CNTLN: variants seen among roughly 807,000 people sequenced by gnomAD.
CNTLN encodes centlein, also known as centlein, centrosomal protein.
CNTLN carries 212 observed loss-of-function variants against 180.0 expected under a neutral mutation model. That is an observed-to-expected ratio of 1.18 (90% confidence interval 1.05 to 1.32). CNTLN has a LOEUF of 1.32. CNTLN is among the 40% of genes most tolerant of loss of function. CNTLN has a pLI of 0.00. For missense variants in CNTLN, 2,095 were observed against 1,610.9 expected (o/e 1.30, Z -5.14); for synonymous variants, 722 against 563.1 (o/e 1.28, Z -3.99).
chr9:17,295,987 AGAGAGAGAGAGT>A (rs1817883567), intron 6 of CNTLN, among the ~76,000 whole-genome samples: 4 of 123,914 alleles, frequency 3.2e-5, no homozygotes, highest in African/African-American at 9.8e-5. Flanking sequence ...AGAGAGAGAG[AGAGAGAGAGAGT>A]GTGTGTGTGT....
intron 7 of CNTLN, chr9:17,301,713 T>C (rs1012238201): frequency 4.0e-4 from 379 of 946,838 alleles, no homozygotes; most frequent in Non-Finnish European, 4.6e-4. Flanking sequence ...AATATTCTTC[T>C]TATTTATTTA....
chr9:17,491,386 T>G (rs891810908), intron 25 of CNTLN, among the ~76,000 whole-genome samples: 1 of 152,098 alleles, frequency 6.6e-6, no homozygotes, highest in Non-Finnish European at 1.5e-5. Flanking sequence ...ACTATGAAAT[T>G]TACTAGGTAG....
chr9:17,410,198 C>G (rs554672708), intron 16 of CNTLN, among the ~76,000 whole-genome samples: 1 of 152,060 alleles, frequency 6.6e-6, no homozygotes, highest in Admixed American at 6.5e-5. Flanking sequence ...ATTTTTGCTG[C>G]TCTTCATTGA....
chr9:17,236,589 G>A lies in CNTLN; in HGVS notation c.849+1G>A. The A allele has an allele frequency of 2.5e-6, 4 of 1,600,010 alleles. No individual in the cohort carries two copies. Among genetic ancestry groups the A allele is most frequent in the Non-Finnish European group, 3.4e-6 (4 of 1,174,654 alleles). ...ATATAGCACTGATGCAAAAATAAAG[G>A]TATACAATAGGAATGGAATCCATAC... On this transcript the variant is annotated splice_donor_variant, in intron 5 of 25. Transcript: ENST00000380647. LOFTEE classifies it high-confidence loss of function.
At chr9:17,486,029 A>T (rs1832872575) in intron 24 of CNTLN, among the ~76,000 whole-genome samples, 1 of 152,122 alleles carries the variant, frequency 6.6e-6, no homozygotes, top group Non-Finnish European at 1.5e-5. Flanking sequence ...CACAATCTTA[A>T]ATCAAGTCCC....
intron 12 of CNTLN, among the ~76,000 whole-genome samples, chr9:17,362,344 G>A (rs2133396878): frequency 6.6e-6 from 1 of 152,190 alleles, no homozygotes; most frequent in East Asian, 1.9e-4. Flanking sequence ...GTGGTTGAGT[G>A]TATGTGTGTG....
In CNTLN at chr9:17,242,987, C is replaced by T. The variant is rs573158888; in HGVS notation, c.849+6399C>T. ...GCTGGGAGATGTCTTTTCTGGTAGA[C>T]TTTAATAAGGCTTCAGTCTCATTAC... On this transcript the variant is annotated intron_variant, in intron 5 of 25. Coordinates refer to ENST00000380647, the MANE Select transcript of CNTLN (RefSeq NM_017738.4). Among the ~76,000 whole-genome samples, 4 of 152,214 alleles carry T rather than the reference C, an allele frequency of 2.6e-5. No homozygotes were observed. The East Asian group carries it at 7.7e-4, about 29-fold the overall frequency.
At chr9:17,525,090 A>G in the CNTLN span, among the ~76,000 whole-genome samples, 2 of 152,222 alleles carry the variant, frequency 1.3e-5, no homozygotes, top group South Asian at 2.1e-4. Flanking sequence ...GTTTCATTTC[A>G]TAAAGAACCC....
At chr9:17,151,693 G>A (rs535824630) in intron 2 of CNTLN, among the ~76,000 whole-genome samples, 1 of 152,258 alleles carries the variant, frequency 6.6e-6, no homozygotes, top group East Asian at 1.9e-4. Context: ...TTAGGGAGGA[G>A]TCCCTCTTTT....
Position 17,179,187 on chromosome 9 carries a change from T to A in CNTLN, c.449+35811T>A, listed in dbSNP as rs1398677245. ...TGAACCCGGGAGGCGGAGCTTGCAG[T>A]GAGCCGAGATCCCGCCACTGCACTC... is the stretch of plus-strand genomic sequence containing the variant. On this transcript the variant is annotated intron_variant, in intron 2 of 25. Coordinates refer to ENST00000380647, the MANE Select transcript of CNTLN (RefSeq NM_017738.4). Among the ~76,000 whole-genome samples the A allele has an allele frequency of 3.0e-5, 4 of 131,676 alleles. 1 individual carries two copies. The highest frequency in any genetic ancestry group is 6.2e-5 in the African/African-American group (2 of 32,046). The allele number at this position is 131,676 out of a possible 152,430, so 86.4% of individuals were successfully genotyped here.
In CNTLN at chr9:17,290,344, C is replaced by T. The variant is rs571524196; in HGVS notation, c.984-7846C>T. On this transcript the variant is annotated intron_variant, in intron 6 of 25. Transcript: ENST00000380647. The stretch of plus-strand genomic sequence containing the variant: ...TCGGGGGTCAGGGGTCAGGGACCCA[C>T]TTGAGGAGGCAGTCTGCCCGTTCTC... 9.3e-5 allele frequency among the ~76,000 whole-genome samples: 14 copies of T among 150,930 alleles called. No individual in the cohort carries two copies. The South Asian group carries it at 2.4e-3, about 26-fold the overall frequency.
At chr9:17,432,605 G>T (rs1342086103) in intron 18 of CNTLN, among the ~76,000 whole-genome samples, 1 of 152,158 alleles carries the variant, frequency 6.6e-6, no homozygotes, top group Non-Finnish European at 1.5e-5. Flanking sequence ...AGAGAAGTTA[G>T]AATGGCAACT....
chr9:17,178,759 G>C (rs1338928078), intron 2 of CNTLN, among the ~76,000 whole-genome samples: 1 of 152,024 alleles, frequency 6.6e-6, no homozygotes, highest in African/African-American at 2.4e-5. Context: ...TCCTGCCAGC[G>C]TCTCTCCCTC....
chr9:17,514,508 T>C, the CNTLN span, among the ~76,000 whole-genome samples: 7 of 152,114 alleles, frequency 4.6e-5, no homozygotes, highest in Non-Finnish European at 1.0e-4. Context: ...CCATAAGTGA[T>C]GGTATGAAAC....
intron 8 of CNTLN, among the ~76,000 whole-genome samples, chr9:17,327,420 G>A (rs1281483243): frequency 5.3e-5 from 8 of 150,730 alleles, no homozygotes; most frequent in Non-Finnish European, 2.9e-5. Flanking sequence ...TCCTGACCTC[G>A]TGATCCGCTC....
chr9:17,301,693 T>C, intron 7 of CNTLN: 3 of 962,092 alleles, frequency 3.1e-6, no homozygotes, highest in Non-Finnish European at 3.7e-6. Context: ...TCAACTAGAC[T>C]CAATTTGAAA....
intron 5 of CNTLN, among the ~76,000 whole-genome samples, chr9:17,271,075 G>A (rs1196787778): frequency 2.7e-5 from 4 of 149,802 alleles, no homozygotes; most frequent in East Asian, 2.0e-4. Context: ...CTCAGCCTCC[G>A]GAGTAGCTGG....
chr9:17,421,152 T>C (rs1489454435), intron 18 of CNTLN, among the ~76,000 whole-genome samples: 2 of 152,156 alleles, frequency 1.3e-5, no homozygotes, highest in Non-Finnish European at 2.9e-5. Context: ...TTGCTGAAAG[T>C]AGGGTATTGA....
chr9:17,235,910 C>T lies in CNTLN; in HGVS notation c.669+118C>T, dbSNP rs1489405507. On this transcript the variant is annotated intron_variant, in intron 4 of 25. Coordinates refer to ENST00000380647, the MANE Select transcript of CNTLN (RefSeq NM_017738.4). ...TGGAGGAAAAATTGCCTTAGGCCCT[C>T]CTGTACCATACAGTTTTCTCACATG... is the stretch of plus-strand genomic sequence containing the variant. 102 of 977,856 alleles carry T rather than the reference C, an allele frequency of 1.0e-4. 2 individuals carry two copies. The Admixed American group carries it at 2.8e-3, about 27-fold the overall frequency. 60.6% of individuals were successfully genotyped at this position (977,856 alleles called of 1,614,324 possible). A position where few individuals can be genotyped will look rare whatever the true frequency, so the allele number is the denominator to read the frequency against.
Sources: allele counts gnomAD v4.1 joint callset (sites outside exome capture counted in the v4.1 genomes callset), GRCh38; gene constraint gnomAD v4.1.1; transcripts MANE v1.5; gene names NCBI Gene and HGNC (gene_info 2026-07-23, HGNC 2026-07-21).